Variants in SAMD5 observed in about 807,000 individuals in gnomAD.
SAMD5 encodes the protein sterile alpha motif domain containing 5.
In SAMD5, 13 loss-of-function variants were observed where a neutral mutation model predicts 11.3. The ratio of observed to expected loss-of-function variants is 1.15; its 90% CI spans 0.75 to 1.83. The LOEUF is 1.83. Among genes scored for constraint, SAMD5 ranks in the 40% most tolerant of loss-of-function variants. The pLI, the probability that SAMD5 is intolerant of heterozygous loss-of-function variation, is 0.00. For missense variants in SAMD5, 255 were observed against 239.1 expected, an observed-to-expected ratio of 1.07 and a Z score of -0.44; for synonymous variants, 129 against 111.3, an observed-to-expected ratio of 1.16 and a Z score of -1.00.
intron 1 of SAMD5, among the ~76,000 whole-genome samples, chr6:147,618,398 A>T (rs9497821): frequency 6.6e-6 from 1 of 151,906 alleles, no homozygotes; most frequent in Non-Finnish European, 1.5e-5. Context: ...TAGTGGGGCA[A>T]CATGAGGGGG....
chr6:147,930,434 GAC>G, the SAMD5 span, among the ~76,000 whole-genome samples: 2 of 152,086 alleles, frequency 1.3e-5, no homozygotes, highest in East Asian at 3.9e-4. Flanking sequence ...TCTCCAGAGA[GAC>G]AGAACCAATA....
At chr6:147,907,421 T>C in the SAMD5 span, among the ~76,000 whole-genome samples, 1 of 148,628 alleles carries the variant, frequency 6.7e-6, no homozygotes, top group African/African-American at 2.5e-5. Context: ...ATTAGGTTGG[T>C]ACAAAAGCAA....
At chr6:147,622,714 A>T (rs529718994) in intron 1 of SAMD5, among the ~76,000 whole-genome samples, 1 of 152,290 alleles carries the variant, frequency 6.6e-6, no homozygotes, top group Non-Finnish European at 1.5e-5. Flanking sequence ...CAGGAGACTG[A>T]CTCAAAATGT....
intron 1 of SAMD5, among the ~76,000 whole-genome samples, chr6:147,524,400 T>G (rs1788303893): frequency 6.7e-6 from 1 of 150,310 alleles, no homozygotes; most frequent in African/African-American, 2.4e-5. Context: ...TGGGTTTTTT[T>G]GTTTTTGTTT....
chr6:147,914,571 G>C, the SAMD5 span, among the ~76,000 whole-genome samples: 1 of 152,168 alleles, frequency 6.6e-6, no homozygotes, highest in African/African-American at 2.4e-5. Context: ...GAATTGGAGA[G>C]TCAGCCTTTT....
chr6:147,893,124 C>T, the SAMD5 span, among the ~76,000 whole-genome samples: 1 of 151,866 alleles, frequency 6.6e-6, no homozygotes, highest in African/African-American at 2.4e-5. Flanking sequence ...ATCGCTTGAA[C>T]CTGGGAGGCA....
intron 1 of SAMD5, chr6:147,737,249 G>T (rs572032213): frequency 6.4e-6 from 6 of 934,130 alleles, no homozygotes; most frequent in African/African-American, 5.1e-5. Flanking sequence ...CCCCTTCACC[G>T]TGCTTTTTCA....
the SAMD5 span, among the ~76,000 whole-genome samples, chr6:147,949,857 C>T: frequency 6.6e-6 from 1 of 152,306 alleles, no homozygotes; most frequent in East Asian, 1.9e-4. Context: ...TGTTATACTG[C>T]ATTTCTTAAA....
chr6:147,804,993 G>A, the SAMD5 span, among the ~76,000 whole-genome samples: 1 of 152,180 alleles, frequency 6.6e-6, no homozygotes, highest in Admixed American at 6.5e-5. Flanking sequence ...CTTTCCATGA[G>A]TGAACATAGA....
intron 1 of SAMD5, among the ~76,000 whole-genome samples, chr6:147,718,228 T>C (rs1208747967): frequency 1.3e-5 from 2 of 152,176 alleles, no homozygotes; most frequent in African/African-American, 4.8e-5. Flanking sequence ...GAGTGGTGTA[T>C]TTATTGTCTA....
At chr6:147,649,717 G>T (rs1790455520) in intron 1 of SAMD5, among the ~76,000 whole-genome samples, 1 of 151,728 alleles carries the variant, frequency 6.6e-6, no homozygotes, top group Non-Finnish European at 1.5e-5. Context: ...CCTGAACCCA[G>T]GAGGCAGAGT....
At chr6:147,740,619 C>T (rs1200225068), downstream of SAMD5, among the ~76,000 whole-genome samples, 1 of 152,192 alleles carries the variant, frequency 6.6e-6, no homozygotes, top group Non-Finnish European at 1.5e-5. Flanking sequence ...ACTATTCCTT[C>T]ACCTTTCTGG....
rs939166967 is a variant in SAMD5, at chr6:147,536,115, C to G, written c.459+26728C>G. Among the ~76,000 whole-genome samples the G allele has an allele frequency of 3.3e-5, 5 of 152,068 alleles. No homozygotes were observed. In the East Asian group the frequency reaches 5.8e-4, roughly 18 times the overall value. On this transcript the variant is annotated intron_variant, in intron 1 of 1. Transcript: ENST00000367474. Reference sequence around the variant, plus strand: ...TCTCCCGCCTCAGCCTCCCAAGTAGCTGGGACTCCAGGTGCCTGCCACCAT... The same window carrying G: ...TCTCCCGCCTCAGCCTCCCAAGTAGGTGGGACTCCAGGTGCCTGCCACCAT...
the SAMD5 span, among the ~76,000 whole-genome samples, chr6:147,896,842 A>G: frequency 4.3e-4 from 65 of 152,094 alleles, 2 homozygotes; most frequent in South Asian, 0.01. Context: ...TCATAGCACC[A>G]ATATTGAAGT....
At chr6:147,800,139 G>T in the SAMD5 span, among the ~76,000 whole-genome samples, 1 of 152,186 alleles carries the variant, frequency 6.6e-6, no homozygotes, top group Non-Finnish European at 1.5e-5. Flanking sequence ...GAGGAGGAGA[G>T]GCACTCTGAT....
chr6:147,842,755 C>T, the SAMD5 span, among the ~76,000 whole-genome samples: 1 of 152,210 alleles, frequency 6.6e-6, no homozygotes, highest in Admixed American at 6.5e-5. Context: ...CACACATTTT[C>T]ATGAAATCTT....
At chr6:147,595,544 T>TTTTTTTTA (rs1789516433) in intron 1 of SAMD5, among the ~76,000 whole-genome samples, 1 of 129,336 alleles carries the variant, frequency 7.7e-6, no homozygotes, top group African/African-American at 3.1e-5. Flanking sequence ...TTTTTTTTTT[T>TTTTTTTTA]GAGACAGAGT....
At chr6:147,664,888 C>T (rs9399613) in intron 1 of SAMD5, among the ~76,000 whole-genome samples, 34,657 of 151,912 alleles carry the variant, frequency 0.23, 4,468 homozygotes, top group East Asian at 0.3. Context: ...TTTGCTGCTG[C>T]TTTGAATACT....
the SAMD5 span, among the ~76,000 whole-genome samples, chr6:147,751,796 T>C: frequency 2.0e-5 from 3 of 152,190 alleles, no homozygotes; most frequent in Non-Finnish European, 1.5e-5. Context: ...CTTTATTCTT[T>C]TTTTGGATTA....
Sources: allele counts gnomAD v4.1 joint callset (sites outside exome capture counted in the v4.1 genomes callset), GRCh38; gene constraint gnomAD v4.1.1; transcripts MANE v1.5; gene names NCBI Gene and HGNC (gene_info 2026-07-23, HGNC 2026-07-21).